Variants in PELI1 observed in about 807,000 individuals in gnomAD.
The protein encoded by PELI1 is E3 ubiquitin-protein ligase pellino homolog 1.
A neutral mutation model predicts 41.3 loss-of-function variants in PELI1; 15 were observed. That is an observed-to-expected ratio of 0.36 (90% confidence interval 0.24 to 0.56). PELI1 has a LOEUF of 0.56. Among genes scored for constraint, PELI1 ranks in the 20% least tolerant of loss-of-function variants. The pLI, the probability that PELI1 is intolerant of heterozygous loss-of-function variation, is 0.82. For missense variants in PELI1, 403 were observed against 525.5 expected (o/e 0.77, Z 2.28); for synonymous variants, 178 against 180.1 (o/e 0.99, Z 0.09).
rs145755771 is a variant in PELI1, at chr2:64,137,104, T to C, written c.-70+6977A>G. 9.5e-4 allele frequency among the ~76,000 whole-genome samples: 144 copies of C among 152,322 alleles called. 1 individual carries two copies. Among genetic ancestry groups the C allele is most frequent in the African/African-American group, 3.3e-3 (137 of 41,574 alleles). Reference sequence around the variant, plus strand: ...CAAAATTAGTAATCCTACATGTATATTGTCCTGAGAGTAGATTTTTACAAT... The same window carrying C: ...CAAAATTAGTAATCCTACATGTATACTGTCCTGAGAGTAGATTTTTACAAT... On this transcript the variant is annotated intron_variant, in intron 1 of 6. Transcript: ENST00000358912.
At chr2:64,119,457 T>C (rs1196518461) in intron 1 of PELI1, among the ~76,000 whole-genome samples, 1 of 152,202 alleles carries the variant, frequency 6.6e-6, no homozygotes, top group Non-Finnish European at 1.5e-5. Context: ...TATTAAAGCA[T>C]CTGCCAGTTA....
chr2:64,096,006 C>T (rs1450331589), intron 6 of PELI1, 119 bp downstream of exon 6: 2 of 721,290 alleles, frequency 2.8e-6, no homozygotes. Context: ...GTTTGATAGA[C>T]TTAGTATTCT....
intron 2 of PELI1, among the ~76,000 whole-genome samples, chr2:64,107,462 A>C (rs998155301): frequency 6.6e-6 from 1 of 152,202 alleles, no homozygotes; most frequent in African/African-American, 2.4e-5. Flanking sequence ...TTATGCTGTC[A>C]CCATACACAT....
intron 2 of PELI1, among the ~76,000 whole-genome samples, chr2:64,107,839 G>A (rs1167686746): frequency 1.3e-5 from 2 of 151,892 alleles, no homozygotes; most frequent in South Asian, 4.2e-4. Context: ...CATCACGCCC[G>A]GCTAATTTTT....
rs1260885200 is a variant in PELI1 at position 64,094,916 on chromosome 2, C to A, written c.1043G>T (p.Gly348Val). 1 of 1,614,190 alleles carries A rather than the reference C, an allele frequency of 6.2e-7. No homozygotes were observed. The highest frequency in any genetic ancestry group is 1.3e-5 in the African/African-American group (1 of 75,042). ...GTCCACATAAAATCCAGCTTCACAT[C>A]CAAGCCACAGAGGAACATAGGGACC... ...SVGPYVPLWL[G>V]CEAGFYVDAG... Residue 348 changes from glycine (G) to valine (V), a missense_variant, in exon 7 of 7, where the codon GGA becomes GTA. Physicochemically the swap from Gly to Val is moderately radical, Grantham distance 109. Transcript: ENST00000358912.
intron 1 of PELI1, among the ~76,000 whole-genome samples, chr2:64,136,128 A>G (rs1256644408): frequency 6.6e-6 from 1 of 152,232 alleles, no homozygotes; most frequent in East Asian, 1.9e-4. Flanking sequence ...GCTTTCTAAA[A>G]TAAGTTACAC....
intron 1 of PELI1, among the ~76,000 whole-genome samples, chr2:64,113,413 G>A (rs1161976396): frequency 1.3e-5 from 2 of 152,060 alleles, no homozygotes; most frequent in South Asian, 2.1e-4. Flanking sequence ...CTTCAATTAA[G>A]TTAGTTTGAC....
At chr2:64,140,698 A>C (rs1681874511) in intron 1 of PELI1, among the ~76,000 whole-genome samples, 1 of 150,430 alleles carries the variant, frequency 6.6e-6, no homozygotes, top group Non-Finnish European at 1.5e-5. Flanking sequence ...AACAACAAAA[A>C]GTATTTAGGA....
intron 1 of PELI1, among the ~76,000 whole-genome samples, chr2:64,139,211 A>G (rs1471109784): frequency 1.3e-5 from 2 of 152,340 alleles, no homozygotes; most frequent in East Asian, 3.9e-4. Context: ...TTGGTGGAAA[A>G]GCCTCTTAAG....
chr2:64,123,005 C>G (rs1204143107), intron 1 of PELI1, among the ~76,000 whole-genome samples: 3 of 152,154 alleles, frequency 2.0e-5, no homozygotes, highest in Non-Finnish European at 4.4e-5. Context: ...AGCTTGCTAA[C>G]TGATCTTGGG....
chr2:64,097,552 G>C (rs1333714268), intron 4 of PELI1, among the ~76,000 whole-genome samples: 1 of 152,144 alleles, frequency 6.6e-6, no homozygotes, highest in Admixed American at 6.5e-5. Flanking sequence ...CATTTTGAAA[G>C]TTGAAAGAAA....
intron 1 of PELI1, among the ~76,000 whole-genome samples, chr2:64,125,187 C>T (rs1681344766): frequency 6.6e-6 from 1 of 152,116 alleles, no homozygotes; most frequent in Non-Finnish European, 1.5e-5. Flanking sequence ...CCCAAAAACT[C>T]AATCTCCAGG....
Position 64,104,854 on chromosome 2 carries a change from G to T in PELI1, c.72-24C>A, listed in dbSNP as rs372517949. The T allele has an allele frequency of 1.9e-4, 303 of 1,601,700 alleles. 1 individual carries two copies. The highest frequency in any genetic ancestry group is 2.4e-4 in the Non-Finnish European group (279 of 1,173,238). ...ACCTGATGGGGGAAAAAAAGTATAG[G>T]TGATCTCTTGCAAGAACTGCACAAT... On this transcript the variant is annotated intron_variant, in intron 2 of 6. Coordinates refer to ENST00000358912, the MANE Select transcript of PELI1 (RefSeq NM_020651.4).
At chr2:64,135,696 C>T (rs190268987) in intron 1 of PELI1, among the ~76,000 whole-genome samples, 70 of 152,256 alleles carry the variant, frequency 4.6e-4, no homozygotes, top group Admixed American at 4.1e-3. Context: ...TAAAAATCTA[C>T]AAAGCTTAAT....
chr2:64,125,647 C>T (rs1681359585), intron 1 of PELI1, among the ~76,000 whole-genome samples: 1 of 152,162 alleles, frequency 6.6e-6, no homozygotes, highest in South Asian at 2.1e-4. Flanking sequence ...CTCTAGCTAG[C>T]TAATAGTTCT....
intron 2 of PELI1, 114 bp from the exon 3 acceptor site, chr2:64,104,944 T>C: frequency 1.3e-6 from 1 of 787,288 alleles, no homozygotes; most frequent in Non-Finnish European, 1.9e-6. Context: ...ATTAACACAT[T>C]ATAATTATTT....
Position 64,144,401 on chromosome 2 carries a change from C to T in PELI1, c.-390G>A, listed in dbSNP as rs1226613742. The T allele has an allele frequency of 1.3e-5, 2 of 152,130 alleles. No individual in the cohort carries two copies. The highest frequency in any genetic ancestry group is 2.9e-5 in the Non-Finnish European group (2 of 68,134). The allele number at this position is 152,130 out of a possible 1,614,324, so 9.4% of individuals were successfully genotyped here. A position where few individuals can be genotyped will look rare whatever the true frequency, so the allele number is the denominator to read the frequency against. The stretch of plus-strand genomic sequence containing the variant: ...GCGCCCCCCGACGGTCCCTCCGCCT[C>T]ACACCGCCTCTGGGTCACTGACATA... On this transcript the variant is annotated 5_prime_UTR_variant, in exon 1 of 7. Transcript: ENST00000358912.
intron 3 of PELI1, among the ~76,000 whole-genome samples, chr2:64,102,835 C>CTT (rs1221467456): frequency 0.02 from 2,596 of 133,120 alleles, 35 homozygotes; most frequent in East Asian, 0.037. Flanking sequence ...AGGAGTCAAT[C>CTT]TTTTTTTTTT....
intron 1 of PELI1, among the ~76,000 whole-genome samples, chr2:64,140,674 CT>C (rs933381449): frequency 9.9e-5 from 15 of 151,498 alleles, no homozygotes; most frequent in African/African-American, 3.4e-4. Flanking sequence ...TCTTTATTAC[CT>C]GTAAATTCAT....
Sources: gnomAD v4.1 joint callset for allele counts (sites outside exome capture counted in the v4.1 genomes callset) on GRCh38, gnomAD v4.1.1 for gene constraint, MANE v1.5 for transcripts, NCBI Gene and HGNC (gene_info 2026-07-23, HGNC 2026-07-21) for gene names.